The following AGBL1 variants were observed in gnomAD, a reference collection of about 807,000 sequenced individuals.
The protein encoded by AGBL1 is AGBL carboxypeptidase 1.
AGBL1 carries 130 observed loss-of-function variants against 118.9 expected under a neutral mutation model. The observed-to-expected ratio is 1.09, with a 90% CI of 0.95 to 1.26. The LOEUF (loss-of-function observed/expected upper bound fraction) is 1.26, where lower values mean the gene tolerates loss of function less well. Ranked by LOEUF, AGBL1 falls within the 50% of genes most tolerant of loss-of-function variation. The pLI, the probability that AGBL1 is intolerant of heterozygous loss-of-function variation, is 0.00. For synonymous variants in AGBL1, 555 were observed against 478.9 expected (o/e 1.16, Z -2.08); for missense variants, 1,584 against 1,298.1 (o/e 1.22, Z -3.38).
intron 18 of AGBL1, among the ~76,000 whole-genome samples, chr15:86,505,627 T>C (rs1484825056): frequency 6.6e-6 from 1 of 152,034 alleles, no homozygotes; most frequent in Non-Finnish European, 1.5e-5. Context: ...AAAATTTTTG[T>C]TTTTTAATGA....
intron 19 of AGBL1, among the ~76,000 whole-genome samples, chr15:86,543,468 C>T (rs1389510300): frequency 6.6e-6 from 1 of 152,048 alleles, no homozygotes; most frequent in East Asian, 1.9e-4. Context: ...TGTTTCATTT[C>T]CATTCTTTTA....
intron 6 of AGBL1, among the ~76,000 whole-genome samples, chr15:86,239,791 G>C (rs1179228096): frequency 1.3e-5 from 2 of 152,192 alleles, no homozygotes; most frequent in African/African-American, 4.8e-5. Context: ...TAGCCTTTCA[G>C]AAATCTTCCT....
At chr15:86,767,642 C>T (rs1018403803) in intron 22 of AGBL1, among the ~76,000 whole-genome samples, 8 of 151,812 alleles carry the variant, frequency 5.3e-5, no homozygotes, top group Non-Finnish European at 7.4e-5. Flanking sequence ...AACACTTTCC[C>T]ATGGATTTAT....
chr15:86,888,040 T>G (rs1173317771), intron 22 of AGBL1, among the ~76,000 whole-genome samples: 3 of 152,106 alleles, frequency 2.0e-5, no homozygotes. Context: ...TGCCTCTACA[T>G]GCCAAAGATG....
chr15:86,563,545 G>C (rs2083863490), intron 21 of AGBL1, among the ~76,000 whole-genome samples: 1 of 124,884 alleles, frequency 8.0e-6, no homozygotes. Flanking sequence ...CATTTGCTGA[G>C]AAGTGCTTTA....
At chr15:86,120,862 C>G (rs1898053262) in intron 1 of AGBL1, among the ~76,000 whole-genome samples, 1 of 151,822 alleles carries the variant, frequency 6.6e-6, no homozygotes, top group Non-Finnish European at 1.5e-5. Context: ...GCCTACTTCC[C>G]TCTCCTTTTC....
At chr15:86,777,372 A>G (rs2141300101) in intron 22 of AGBL1, among the ~76,000 whole-genome samples, 2 of 151,896 alleles carry the variant, frequency 1.3e-5, no homozygotes, top group South Asian at 4.2e-4. Context: ...ATAAATTCAT[A>G]CTCTTTCTCT....
intron 5 of AGBL1, among the ~76,000 whole-genome samples, chr15:86,175,987 A>G (rs1057259248): frequency 6.6e-6 from 1 of 152,188 alleles, no homozygotes; most frequent in Admixed American, 6.5e-5. Flanking sequence ...TGTTCTGTAA[A>G]TGTTAGGTCT....
At chr15:86,556,321 A>G in intron 21 of AGBL1, 2 of 1,568,534 alleles carry the variant, frequency 1.3e-6, no homozygotes, top group South Asian at 2.2e-5. Flanking sequence ...AAATTTTCCA[A>G]ATGGCTTTTG....
intron 18 of AGBL1, among the ~76,000 whole-genome samples, chr15:86,491,940 T>C (rs1262235718): frequency 6.6e-6 from 1 of 152,044 alleles, no homozygotes; most frequent in Non-Finnish European, 1.5e-5. Flanking sequence ...AAAAATGTTA[T>C]TCCAGACACT....
chr15:86,177,457 A>T lies in AGBL1; in HGVS notation c.488+18431A>T, dbSNP rs141848790. Among the ~76,000 whole-genome samples, 445 of 152,326 alleles carry T rather than the reference A, an allele frequency of 2.9e-3. 1 individual carries two copies. The highest frequency in any genetic ancestry group is 6.8e-3 in the Middle Eastern group (2 of 294). On this transcript the variant is annotated intron_variant, in intron 5 of 22. Coordinates refer to ENST00000614907, the MANE Select transcript of AGBL1 (RefSeq NM_001386094.1). ...TATCAATGAATGTGGCTTAACTGAT[A>T]TTCATAGGATACTTTACCCACCTAC...
intron 18 of AGBL1, among the ~76,000 whole-genome samples, chr15:86,461,187 C>G (rs1198639979): frequency 1.3e-5 from 2 of 152,080 alleles, no homozygotes; most frequent in Non-Finnish European, 2.9e-5. Context: ...CTGCCTCTAC[C>G]ATGCCCCATC....
At chr15:86,225,072 C>A in intron 6 of AGBL1, 121 bp downstream of exon 6, 1 of 986,274 alleles carries the variant, frequency 1.0e-6, no homozygotes, top group Non-Finnish European at 1.5e-6. Flanking sequence ...TTCTCAATCA[C>A]CTATGGCTAA....
chr15:86,546,113 C>T lies in AGBL1; in HGVS notation c.2797C>T (p.Leu933=), dbSNP rs2142253086. ...AACTVGTSTI[L]EEVNYRTLPK... ...ATGCACTGTGGGCACATCTACTATC[C>T]TAGAGGAGGTCAACTACAGGGTAAG... is the stretch of plus-strand genomic sequence containing the variant. The change falls in exon 20 of 23, where the codon CTA becomes TTA. Residue 933 remains leucine (L), a synonymous_variant. Transcript: ENST00000614907. 1.2e-6 allele frequency: 2 copies of T among 1,613,068 alleles called. No homozygotes were observed. Among genetic ancestry groups the T allele is most frequent in the Admixed American group, 1.7e-5 (1 of 59,916 alleles).
chr15:86,724,011 G>A (rs1244244585), intron 22 of AGBL1, among the ~76,000 whole-genome samples: 1 of 152,008 alleles, frequency 6.6e-6, no homozygotes, highest in Non-Finnish European at 1.5e-5. Context: ...CGAGGTGGGC[G>A]GATCACGAGG....
intron 22 of AGBL1, among the ~76,000 whole-genome samples, chr15:86,818,236 G>A (rs879856815): frequency 3.3e-5 from 5 of 152,144 alleles, no homozygotes; most frequent in Non-Finnish European, 7.4e-5. Context: ...CCTAATTTGT[G>A]ATATTTGTTA....
At chr15:86,631,649 G>A (rs1335505145) in intron 21 of AGBL1, among the ~76,000 whole-genome samples, 1 of 152,158 alleles carries the variant, frequency 6.6e-6, no homozygotes, top group Admixed American at 6.5e-5. Context: ...GGAACCTCCT[G>A]GAAGGATGAA....
intron 17 of AGBL1, among the ~76,000 whole-genome samples, chr15:86,392,222 G>A (rs976810752): frequency 3.3e-5 from 5 of 151,778 alleles, no homozygotes; most frequent in Middle Eastern, 3.4e-3. Flanking sequence ...TTCACTCACT[G>A]TTATATCACA....
At chr15:86,137,614 T>A (rs551376874) in intron 1 of AGBL1, among the ~76,000 whole-genome samples, 1 of 152,270 alleles carries the variant, frequency 6.6e-6, no homozygotes, top group East Asian at 1.9e-4. Flanking sequence ...TTTTTTTAAC[T>A]TCTGGAGAAA....
Sources: allele counts gnomAD v4.1 joint callset (sites outside exome capture counted in the v4.1 genomes callset), GRCh38; gene constraint gnomAD v4.1.1; transcripts MANE v1.5; gene names NCBI Gene and HGNC (gene_info 2026-07-23, HGNC 2026-07-21).